The following TMEM144 variants were observed in gnomAD, a reference collection of about 807,000 sequenced individuals.
TMEM144 encodes transmembrane protein 144.
TMEM144 carries 39 observed loss-of-function variants against 43.6 expected under a neutral mutation model. That is an observed-to-expected ratio of 0.90 (90% CI 0.69 to 1.17). The LOEUF (loss-of-function observed/expected upper bound fraction) is 1.17, where lower values mean the gene tolerates loss of function less well. Ranked by LOEUF, TMEM144 falls within the 50% of genes most tolerant of loss-of-function variation. The pLI is 0.00. For synonymous variants in TMEM144, 154 were observed against 133.6 expected (o/e 1.15, Z -1.06); for missense variants, 417 against 411.9 (o/e 1.01, Z -0.11).
At position 158,217,325 on chromosome 4, in the gene TMEM144, C is replaced by A; in HGVS notation, c.237C>A (p.Asn79Lys). ...TTCTGTATATTACATCTACAGGGAA[C>A]ATTGCTGTTGTCCCAATTATCAAAA... is the stretch of plus-strand genomic sequence containing the variant. ...MLGGCIWATG[N>K]IAVVPIIKTI... The change falls in exon 5 of 13, where the codon AAC becomes AAA. Residue 79 changes from asparagine to lysine, a missense_variant. Coordinates refer to ENST00000296529, the MANE Select transcript of TMEM144 (RefSeq NM_018342.5). 1 of 1,606,424 alleles carries A rather than the reference C, an allele frequency of 6.2e-7. No homozygotes were observed. Among genetic ancestry groups the A allele is most frequent in the Non-Finnish European group, 8.5e-7 (1 of 1,173,640 alleles).
At chr4:158,226,067 T>C (rs1022995739) in intron 6 of TMEM144, among the ~76,000 whole-genome samples, 2 of 152,244 alleles carry the variant, frequency 1.3e-5, no homozygotes, top group Non-Finnish European at 2.9e-5. Context: ...ATTGCTTTTG[T>C]TTAACGTGCA....
chr4:158,251,889 C>T (rs1433053633), intron 12 of TMEM144, among the ~76,000 whole-genome samples: 1 of 152,144 alleles, frequency 6.6e-6, no homozygotes, highest in Non-Finnish European at 1.5e-5. Flanking sequence ...TGCAACAAGT[C>T]TCTGTACTTT....
intron 6 of TMEM144, among the ~76,000 whole-genome samples, chr4:158,222,085 A>G (rs1220410343): frequency 1.3e-5 from 2 of 150,984 alleles, no homozygotes; most frequent in Admixed American, 1.3e-4. Context: ...TGTAAAAAAA[A>G]TTTTGAATGT....
chr4:158,242,779 G>A (rs1015804421), intron 11 of TMEM144, among the ~76,000 whole-genome samples: 2 of 152,142 alleles, frequency 1.3e-5, no homozygotes, highest in Non-Finnish European at 2.9e-5. Context: ...AGATAGGAGC[G>A]AGTTCACTTT....
chr4:158,235,239 C>T, intron 7 of TMEM144, 199 bp from the exon 8 acceptor site: 1 of 495,540 alleles, frequency 2.0e-6, no homozygotes, highest in Non-Finnish European at 3.5e-6. Context: ...GAAGACTTGC[C>T]AACTGCCAAG....
At chr4:158,239,840 A>G (rs59622953) in intron 9 of TMEM144, among the ~76,000 whole-genome samples, 18,659 of 151,950 alleles carry the variant, frequency 0.12, 1,226 homozygotes, top group Middle Eastern at 0.16. Flanking sequence ...TTAAAATTCT[A>G]TATGAACAGC....
intron 11 of TMEM144, among the ~76,000 whole-genome samples, chr4:158,243,298 C>A (rs756561524): frequency 3.3e-5 from 5 of 152,174 alleles, no homozygotes; most frequent in African/African-American, 1.2e-4. Flanking sequence ...TGACCTATTT[C>A]TCTGGCTCTT....
At chr4:158,211,356 A>G (rs1056011669) in intron 1 of TMEM144, 97 bp from the exon 2 acceptor site, 2 of 152,234 alleles carry the variant, frequency 1.3e-5, no homozygotes, top group Non-Finnish European at 2.9e-5. Context: ...CTCTTCTATC[A>G]ATGTACACAT....
chr4:158,236,614 T>G (rs1340388391), intron 8 of TMEM144, among the ~76,000 whole-genome samples: 1 of 152,156 alleles, frequency 6.6e-6, no homozygotes, highest in Non-Finnish European at 1.5e-5. Context: ...AATTGACTGA[T>G]TTAATTTTTA....
chr4:158,245,562 A>G (rs1735850996), intron 12 of TMEM144, among the ~76,000 whole-genome samples: 1 of 152,162 alleles, frequency 6.6e-6, no homozygotes, highest in South Asian at 2.1e-4. Flanking sequence ...GTAAAGTGCT[A>G]AAAACACTAC....
At chr4:158,215,146 C>T (rs1472540258) in intron 3 of TMEM144, 45 bp from the exon 4 acceptor site, 1 of 1,611,138 alleles carries the variant, frequency 6.2e-7, no homozygotes, top group Non-Finnish European at 8.5e-7. Context: ...CACAAATTTA[C>T]TCAATTCAAT....
chr4:158,245,974 A>G (rs191009584), intron 12 of TMEM144, among the ~76,000 whole-genome samples: 19 of 152,086 alleles, frequency 1.2e-4, no homozygotes, highest in Non-Finnish European at 2.9e-5. Flanking sequence ...AAAACTCACA[A>G]AATCAGAGAA....
intron 6 of TMEM144, among the ~76,000 whole-genome samples, chr4:158,229,190 T>C (rs976923867): frequency 1.3e-5 from 2 of 152,174 alleles, no homozygotes; most frequent in South Asian, 2.1e-4. Flanking sequence ...TTCGCTTCTC[T>C]TCCCTTTTCT....
intron 1 of TMEM144, 152 bp from the exon 2 acceptor site, chr4:158,211,301 A>G (rs1388712935): frequency 6.6e-6 from 1 of 152,140 alleles, no homozygotes; most frequent in Non-Finnish European, 1.5e-5. Context: ...GCCTTTGTGG[A>G]GCCTTCTCAA....
intron 12 of TMEM144, among the ~76,000 whole-genome samples, chr4:158,249,603 A>G (rs775111441): frequency 8.5e-5 from 13 of 152,214 alleles, no homozygotes; most frequent in Non-Finnish European, 1.8e-4. Flanking sequence ...TCATTCCCTG[A>G]GAACATTATT....
chr4:158,251,354 G>T (rs995462421), intron 12 of TMEM144, among the ~76,000 whole-genome samples: 1 of 152,162 alleles, frequency 6.6e-6, no homozygotes, highest in Admixed American at 6.5e-5. Flanking sequence ...TTAATCAGCA[G>T]GAAGTAGATA....
chr4:158,251,089 C>G (rs1017009960), intron 12 of TMEM144, among the ~76,000 whole-genome samples: 5 of 152,098 alleles, frequency 3.3e-5, no homozygotes, highest in Non-Finnish European at 7.4e-5. Flanking sequence ...AATGACTTAC[C>G]CATGAACCAT....
intron 8 of TMEM144, 137 bp downstream of exon 8, chr4:158,235,642 C>A: frequency 2.2e-6 from 2 of 891,830 alleles, no homozygotes; most frequent in Non-Finnish European, 3.1e-6. Context: ...CTCCATGCGG[C>A]GAGGTTTTTT....
At chr4:158,244,398 G>T (rs189434497) in intron 12 of TMEM144, 49 bp downstream of exon 12, 157 of 1,499,124 alleles carry the variant, frequency 1.0e-4, no homozygotes, top group Admixed American at 6.3e-4. Context: ...GGGTAGGCCG[G>T]GCGTGGTGGC....
Sources: gnomAD v4.1 joint callset for allele counts (sites outside exome capture counted in the v4.1 genomes callset) on GRCh38, gnomAD v4.1.1 for gene constraint, MANE v1.5 for transcripts, NCBI Gene and HGNC (gene_info 2026-07-23, HGNC 2026-07-21) for gene names.